TPP2: variants seen among roughly 807,000 people sequenced by gnomAD.
TPP2 encodes tripeptidyl-peptidase 2.
Under a neutral mutation model 155.9 loss-of-function variants are expected in TPP2, and 34 were observed. The observed-to-expected ratio is 0.22, with a 90% CI of 0.17 to 0.29. The LOEUF is 0.29. Ranked by LOEUF, TPP2 falls within the 10% of genes least tolerant of loss-of-function variation. The probability of loss-of-function intolerance (pLI) is 1.00; values close to 1 mark genes in which losing one functional copy is unlikely to be tolerated. For synonymous variants in TPP2, 510 were observed against 529.4 expected (o/e 0.96, Z 0.50); for missense variants, 1,028 against 1,522.3 (o/e 0.68, Z 5.40).
rs1243824824 is a variant in TPP2 at position 102,661,698 on chromosome 13, G to A, written c.3144-1950G>A. On this transcript the variant is annotated intron_variant, in intron 25 of 29. Transcript: ENST00000376052. ...AAATGCTCAAAATCGTTAGTCTTCA[G>A]GGAAATGCACATCAAAATCACAATG... is the stretch of plus-strand genomic sequence containing the variant. Among the ~76,000 whole-genome samples, 6 of 152,266 alleles carry A rather than the reference G, an allele frequency of 3.9e-5. No individual in the cohort carries two copies. The East Asian group carries it at 1.2e-3, about 29-fold the overall frequency.
At chr13:102,670,255 G>A (rs1322531351) in intron 27 of TPP2, among the ~76,000 whole-genome samples, 4 of 152,054 alleles carry the variant, frequency 2.6e-5, no homozygotes, top group African/African-American at 9.7e-5. Flanking sequence ...TGGCAGGAAG[G>A]GCATGTTCTA....
In TPP2 at chr13:102,677,363, T is replaced by G. The variant is rs547685739; in HGVS notation, c.3700-864T>G. On this transcript the variant is annotated intron_variant, in intron 29 of 29. Transcript: ENST00000376052. ...GGAGTGTTTCTTAACTTGTCTGCCC[T>G]CCACTCTGCCCCCCCCGCTGCCTGT... is the stretch of plus-strand genomic sequence containing the variant. 9.8e-5 allele frequency among the ~76,000 whole-genome samples: 8 copies of G among 81,412 alleles called. No homozygotes were observed. In the South Asian group the frequency reaches 2.7e-3, roughly 27 times the overall value. 53.4% of individuals were successfully genotyped at this position (81,412 alleles called of 152,430 possible).
chr13:102,639,302 T>A (rs1882595911), intron 15 of TPP2, among the ~76,000 whole-genome samples: 1 of 152,150 alleles, frequency 6.6e-6, no homozygotes, highest in African/African-American at 2.4e-5. Context: ...AACTAACAGT[T>A]CTGTTACTCT....
At chr13:102,672,974 G>A (rs646784) in intron 27 of TPP2, among the ~76,000 whole-genome samples, 100,931 of 152,032 alleles carry the variant, frequency 0.66, 33,708 homozygotes, top group Middle Eastern at 0.7. Flanking sequence ...ATGTATTGGG[G>A]TTGGTAATTG....
At chr13:102,600,265 T>C (rs1879324624) in intron 1 of TPP2, among the ~76,000 whole-genome samples, 3 of 152,220 alleles carry the variant, frequency 2.0e-5, no homozygotes, top group Admixed American at 2.0e-4. Context: ...CCTTTACATG[T>C]GGCGTTTCAT....
At chr13:102,662,858 G>A (rs563222076) in intron 25 of TPP2, among the ~76,000 whole-genome samples, 24 of 151,974 alleles carry the variant, frequency 1.6e-4, no homozygotes, top group Non-Finnish European at 3.5e-4. Flanking sequence ...TTCAGCCTCC[G>A]CGTCGGGGAA....
chr13:102,616,360 C>T, intron 3 of TPP2, 36 bp from the exon 4 acceptor site: 1 of 1,545,096 alleles, frequency 6.5e-7, no homozygotes. Flanking sequence ...GAGTATTTGT[C>T]AGCCTAATTG....
intron 15 of TPP2, 54 bp downstream of exon 15, chr13:102,638,369 T>C (rs1339042309): frequency 4.5e-6 from 7 of 1,545,532 alleles, no homozygotes; most frequent in South Asian, 4.5e-5. Flanking sequence ...TTAATGACTA[T>C]TCATGGAGTC....
chr13:102,597,129 C>G lies in TPP2; in HGVS notation c.91C>G (p.Pro31Ala), dbSNP rs1169336796. The change falls in exon 1 of 30, where the codon CCG (proline) becomes GCG (alanine). Residue 31 changes from proline to alanine, a missense_variant. Pro to Ala is a conservative substitution (Grantham distance 27, BLOSUM62 -1). This residue lies in a region of TPP2 where 300 missense variants were observed against 398.3 expected (regional missense o/e 0.75). Coordinates refer to ENST00000376052, the MANE Select transcript of TPP2 (RefSeq NM_001330588.2). ...TGAASFLCRYPEYDGRGVLIA... is the reference protein window; with the variant it reads ...TGAASFLCRYAEYDGRGVLIA... ...AGCCGCCTCCTTCCTCTGCCGCTAC[C>G]CGGAGTATGATGGGCGGGGGGTGCT... 5 of 1,610,712 alleles carry G rather than the reference C, an allele frequency of 3.1e-6. No homozygotes were observed. Among genetic ancestry groups the G allele is most frequent in the Non-Finnish European group, 3.4e-6 (4 of 1,179,110 alleles).
chr13:102,677,447 A>G (rs1448248845), intron 29 of TPP2, among the ~76,000 whole-genome samples: 1 of 152,070 alleles, frequency 6.6e-6, no homozygotes, highest in African/African-American at 2.4e-5. Flanking sequence ...TCTCCATCAC[A>G]TTTGGAATAA....
At chr13:102,647,919 T>C (rs897344830) in intron 21 of TPP2, among the ~76,000 whole-genome samples, 6 of 152,230 alleles carry the variant, frequency 3.9e-5, no homozygotes, top group African/African-American at 1.4e-4. Context: ...AGATATTTCC[T>C]GTAATATGTA....
At chr13:102,636,181 G>T in intron 12 of TPP2, 43 bp from the exon 13 acceptor site, 2 of 1,510,486 alleles carry the variant, frequency 1.3e-6, no homozygotes, top group South Asian at 2.7e-5. Context: ...AATATTTTTT[G>T]ACCCAACCAT....
chr13:102,638,682 C>T (rs1046864556), intron 15 of TPP2, among the ~76,000 whole-genome samples: 4 of 152,140 alleles, frequency 2.6e-5, no homozygotes, highest in Non-Finnish European at 5.9e-5. Flanking sequence ...TTGTCTCTGT[C>T]GTTTTTGGGA....
intron 25 of TPP2, among the ~76,000 whole-genome samples, chr13:102,663,440 C>A (rs1343208473): frequency 6.6e-6 from 1 of 152,202 alleles, no homozygotes; most frequent in East Asian, 1.9e-4. Flanking sequence ...GCCACCATGC[C>A]CAGCCCAGTT....
At chr13:102,657,683 G>A (rs147361943) in intron 25 of TPP2, among the ~76,000 whole-genome samples, 26 of 152,092 alleles carry the variant, frequency 1.7e-4, no homozygotes, top group Admixed American at 5.9e-4. Flanking sequence ...CTATTTAAAC[G>A]TTTTATTTTG....
chr13:102,663,878 A>G, intron 26 of TPP2, 134 bp downstream of exon 26: 2 of 708,448 alleles, frequency 2.8e-6, no homozygotes, highest in South Asian at 2.4e-5. Context: ...ATGTTGTGTT[A>G]AGCTGTTTTC....
At chr13:102,664,626 A>T (rs1352675093) in intron 26 of TPP2, among the ~76,000 whole-genome samples, 169 bp from the exon 27 acceptor site, 1 of 152,220 alleles carries the variant, frequency 6.6e-6, no homozygotes, top group African/African-American at 2.4e-5. Flanking sequence ...GATACCAGCA[A>T]TTAGAAAAAT....
chr13:102,625,164 C>CT (rs71125084), intron 6 of TPP2, among the ~76,000 whole-genome samples: 36,377 of 73,458 alleles, frequency 0.5, 10,019 homozygotes, highest in African/African-American at 0.6. Flanking sequence ...GGCCACTTAA[C>CT]TTTTTTTTTT....
At chr13:102,623,061 C>T (rs1320385596) in intron 6 of TPP2, 21 bp downstream of exon 6, 1 of 1,603,632 alleles carries the variant, frequency 6.2e-7, no homozygotes, top group Admixed American at 1.7e-5. Flanking sequence ...TCAGATTGAC[C>T]AATGAGATAT....
Sources: gnomAD v4.1 joint callset for allele counts (sites outside exome capture counted in the v4.1 genomes callset) on GRCh38, gnomAD v4.1.1 for gene constraint, gnomAD v4.1.1 regional missense constraint, MANE v1.5 for transcripts, NCBI Gene and HGNC (gene_info 2026-07-23, HGNC 2026-07-21) for gene names.